Variants in IMMP2L observed in about 807,000 individuals in gnomAD.
The protein encoded by IMMP2L is inner mitochondrial membrane peptidase subunit 2.
Under a neutral mutation model 19.3 loss-of-function variants are expected in IMMP2L, and 18 were observed. The observed-to-expected ratio is 0.93, with a 90% CI of 0.64 to 1.38. The LOEUF (loss-of-function observed/expected upper bound fraction) is 1.38, where lower values mean the gene tolerates loss of function less well. Ranked by LOEUF, IMMP2L falls within the 40% of genes most tolerant of loss-of-function variation. IMMP2L has a pLI of 0.00. For missense variants in IMMP2L, 233 were observed against 218.2 expected, an observed-to-expected ratio of 1.07 and a Z score of -0.43; for synonymous variants, 76 against 73.0, an observed-to-expected ratio of 1.04 and a Z score of -0.21.
At chr7:111,340,238 C>T (rs776024675) in intron 3 of IMMP2L, among the ~76,000 whole-genome samples, 2 of 151,938 alleles carry the variant, frequency 1.3e-5, no homozygotes, top group Non-Finnish European at 2.9e-5. Flanking sequence ...AATATGATCC[C>T]TGAATATTTG....
At chr7:111,525,914 G>A (rs567906098) in intron 1 of IMMP2L, among the ~76,000 whole-genome samples, 2 of 152,174 alleles carry the variant, frequency 1.3e-5, no homozygotes, top group South Asian at 2.1e-4. Context: ...CGATGGCCCT[G>A]AAGCATGACA....
intron 5 of IMMP2L, among the ~76,000 whole-genome samples, chr7:110,879,325 T>A (rs1809400451): frequency 6.6e-6 from 1 of 151,656 alleles, no homozygotes; most frequent in East Asian, 1.9e-4. Context: ...GAGGCGGAGG[T>A]TGCAGTGAGC....
chr7:111,418,983 C>T (rs1835216013), intron 3 of IMMP2L, among the ~76,000 whole-genome samples: 1 of 151,528 alleles, frequency 6.6e-6, no homozygotes. Context: ...TATTGTGTTG[C>T]GAAGATATTC....
At chr7:110,930,330 T>C (rs574019229) in intron 4 of IMMP2L, among the ~76,000 whole-genome samples, 15 of 148,732 alleles carry the variant, frequency 1.0e-4, no homozygotes, top group South Asian at 2.2e-4. Context: ...TTTTTTTTTT[T>C]CCCTAACTTG....
At chr7:110,932,179 A>C (rs534976385) in intron 4 of IMMP2L, among the ~76,000 whole-genome samples, 27 of 152,226 alleles carry the variant, frequency 1.8e-4, no homozygotes, top group African/African-American at 6.5e-4. Flanking sequence ...GACTCACGAG[A>C]GTGGGGATTC....
intron 5 of IMMP2L, among the ~76,000 whole-genome samples, chr7:110,854,450 C>T (rs1211973349): frequency 1.3e-5 from 2 of 151,826 alleles, no homozygotes; most frequent in Admixed American, 6.6e-5. Flanking sequence ...AAGTGTTCCA[C>T]ATTAAGTAAG....
intron 3 of IMMP2L, among the ~76,000 whole-genome samples, chr7:111,432,588 G>A (rs1212889074): frequency 6.6e-6 from 1 of 151,526 alleles, no homozygotes; most frequent in East Asian, 1.9e-4. Context: ...GGCCATATAT[G>A]ACAAACCCAC....
chr7:110,936,936 A>G (rs1024551581), intron 4 of IMMP2L, among the ~76,000 whole-genome samples: 1 of 152,284 alleles, frequency 6.6e-6, no homozygotes, highest in African/African-American at 2.4e-5. Flanking sequence ...TTCTCAGCAA[A>G]CTAACACAGG....
intron 5 of IMMP2L, among the ~76,000 whole-genome samples, chr7:110,834,192 A>C (rs1804221782): frequency 6.6e-6 from 1 of 152,102 alleles, no homozygotes; most frequent in African/African-American, 2.4e-5. Flanking sequence ...AATAAATCTT[A>C]AATGTAGTTT....
intron 1 of IMMP2L, among the ~76,000 whole-genome samples, chr7:111,547,508 C>CT (rs1563342288): frequency 6.9e-6 from 1 of 144,678 alleles, no homozygotes; most frequent in African/African-American, 2.6e-5. Flanking sequence ...CTGTCATACC[C>CT]CCCCCCCCTT....
At chr7:110,683,456 G>A (rs1357680848) in intron 5 of IMMP2L, among the ~76,000 whole-genome samples, 1 of 152,054 alleles carries the variant, frequency 6.6e-6, no homozygotes, top group Admixed American at 6.6e-5. Context: ...TGGCTAATAT[G>A]TATCATTTCT....
Position 111,075,364 on chromosome 7 carries a change from C to T in IMMP2L, c.240-111799G>A, listed in dbSNP as rs539132079. On this transcript the variant is annotated intron_variant, in intron 3 of 5. Transcript: ENST00000405709. Reference sequence around the variant, plus strand: ...GCTGGTCTCGAACTCCTGAACTCAACTGATCCAACCGCCTTGGCCTCCCAA... The same window carrying T: ...GCTGGTCTCGAACTCCTGAACTCAATTGATCCAACCGCCTTGGCCTCCCAA... 2.0e-5 allele frequency among the ~76,000 whole-genome samples: 3 copies of T among 152,086 alleles called. 1 individual carries two copies. The South Asian group carries it at 6.2e-4, about 32-fold the overall frequency.
intron 1 of IMMP2L, among the ~76,000 whole-genome samples, chr7:111,523,262 C>T (rs534061217): frequency 2.6e-5 from 4 of 151,954 alleles, no homozygotes; most frequent in South Asian, 4.1e-4. Flanking sequence ...AAAATGTAAA[C>T]AGAGTGGATG....
In IMMP2L at chr7:110,952,870, T is replaced by C. The variant is rs556109488; in HGVS notation, c.305+10630A>G. Reference sequence around the variant, plus strand: ...ATTGAATAATGAGGACACTATTCAATATTCATTCTCCTTCCCTTACTTTTC... The same window carrying C: ...ATTGAATAATGAGGACACTATTCAACATTCATTCTCCTTCCCTTACTTTTC... On this transcript the variant is annotated intron_variant, in intron 4 of 5. Coordinates refer to ENST00000405709, the MANE Select transcript of IMMP2L (RefSeq NM_032549.4). Among the ~76,000 whole-genome samples, 68 of 152,278 alleles carry C rather than the reference T, an allele frequency of 4.5e-4. No individual in the cohort carries two copies. In the South Asian group the frequency reaches 5.8e-3, roughly 13 times the overall value.
chr7:111,385,454 C>T (rs1364347308), intron 3 of IMMP2L, among the ~76,000 whole-genome samples: 1 of 152,130 alleles, frequency 6.6e-6, no homozygotes, highest in East Asian at 1.9e-4. Flanking sequence ...ACCCATAGCG[C>T]TACCCTAGGC....
At chr7:110,980,760 A>G (rs1821215236) in intron 3 of IMMP2L, among the ~76,000 whole-genome samples, 1 of 152,218 alleles carries the variant, frequency 6.6e-6, no homozygotes, top group Admixed American at 6.5e-5. Flanking sequence ...GGCATAATAA[A>G]ATTGTAAACT....
intron 3 of IMMP2L, among the ~76,000 whole-genome samples, chr7:111,153,050 G>C (rs1252016735): frequency 6.6e-6 from 1 of 152,030 alleles, no homozygotes; most frequent in Admixed American, 6.6e-5. Flanking sequence ...AAGGCCTTTA[G>C]GTAGGCCAAA....
intron 5 of IMMP2L, among the ~76,000 whole-genome samples, chr7:110,676,967 T>C (rs1792342282): frequency 6.6e-6 from 1 of 152,208 alleles, no homozygotes. Context: ...CAGCTTCTAC[T>C]GTGACGTCAC....
At chr7:110,976,159 A>T (rs542419638) in intron 3 of IMMP2L, among the ~76,000 whole-genome samples, 1 of 152,136 alleles carries the variant, frequency 6.6e-6, no homozygotes, top group African/African-American at 2.4e-5. Flanking sequence ...GCTTATCTAT[A>T]TATTAATTCT....
Sources: allele counts gnomAD v4.1 joint callset (sites outside exome capture counted in the v4.1 genomes callset), GRCh38; gene constraint gnomAD v4.1.1; transcripts MANE v1.5; gene names NCBI Gene and HGNC (gene_info 2026-07-23, HGNC 2026-07-21).